The following PLCB1 variants were observed in gnomAD, a reference collection of about 807,000 sequenced individuals.
PLCB1 encodes 1-phosphatidylinositol 4,5-bisphosphate phosphodiesterase beta-1.
In PLCB1, 46 loss-of-function variants were observed where a neutral mutation model predicts 161.8. The ratio of observed to expected loss-of-function variants is 0.28; its 90% CI spans 0.22 to 0.36. The LOEUF (loss-of-function observed/expected upper bound fraction) is 0.36. Ranked by LOEUF, PLCB1 falls within the 10% of genes least tolerant of loss-of-function variation. The pLI is 1.00. For missense variants in PLCB1, 1,016 were observed against 1,472.5 expected (o/e 0.69, Z 5.07); for synonymous variants, 517 against 503.7 (o/e 1.03, Z -0.35).
intron 31 of PLCB1, among the ~76,000 whole-genome samples, chr20:8,796,750 T>C (rs1345807958): frequency 6.6e-6 from 1 of 152,218 alleles, no homozygotes; most frequent in Non-Finnish European, 1.5e-5. Context: ...TACCAGGGCA[T>C]TGGAACAATT....
At chr20:8,215,270 G>A (rs981753097) in intron 2 of PLCB1, among the ~76,000 whole-genome samples, 2 of 151,750 alleles carry the variant, frequency 1.3e-5, no homozygotes, top group Non-Finnish European at 1.5e-5. Context: ...TTTCGGAATC[G>A]ATTTGTTAAT....
chr20:8,846,844 T>C (rs1203451559), intron 31 of PLCB1, among the ~76,000 whole-genome samples: 1 of 152,104 alleles, frequency 6.6e-6, no homozygotes, highest in Non-Finnish European at 1.5e-5. Context: ...TGGAGCAGAG[T>C]AGAGGCCACT....
At chr20:8,399,548 A>G (rs1024562916) in intron 3 of PLCB1, among the ~76,000 whole-genome samples, 35 of 152,284 alleles carry the variant, frequency 2.3e-4, no homozygotes, top group Non-Finnish European at 4.4e-4. Context: ...GTGGATTCTT[A>G]TTCTAGAATA....
chr20:8,592,844 AT>A (rs1987191780), intron 3 of PLCB1, among the ~76,000 whole-genome samples: 1 of 152,142 alleles, frequency 6.6e-6, no homozygotes, highest in Non-Finnish European at 1.5e-5. Context: ...ATATTATCTG[AT>A]TTAAACATCA....
chr20:8,422,909 T>C (rs1472141944), intron 3 of PLCB1, among the ~76,000 whole-genome samples: 1 of 152,198 alleles, frequency 6.6e-6, no homozygotes, highest in African/African-American at 2.4e-5. Flanking sequence ...TTAGTTTCCC[T>C]ATTTATAAAT....
At chr20:8,288,414 G>A (rs924220111) in intron 2 of PLCB1, among the ~76,000 whole-genome samples, 2 of 152,132 alleles carry the variant, frequency 1.3e-5, no homozygotes, top group African/African-American at 4.8e-5. Context: ...AGTGATTTTT[G>A]GAGGGAATGC....
intron 22 of PLCB1, 34 bp downstream of exon 22, chr20:8,740,482 A>C: frequency 1.7e-6 from 2 of 1,201,836 alleles, no homozygotes; most frequent in Non-Finnish European, 2.4e-6. Flanking sequence ...ACTTTACTCA[A>C]AGGGGTATTT....
chr20:8,639,456 G>C (rs1417130412), intron 4 of PLCB1, among the ~76,000 whole-genome samples: 1 of 152,144 alleles, frequency 6.6e-6, no homozygotes, highest in African/African-American at 2.4e-5. Flanking sequence ...TATGATTCTC[G>C]TGGCCTTTTT....
At chr20:8,506,200 T>A (rs1202151956) in intron 3 of PLCB1, among the ~76,000 whole-genome samples, 1 of 152,246 alleles carries the variant, frequency 6.6e-6, no homozygotes, top group Non-Finnish European at 1.5e-5. Context: ...TATTTGCGTT[T>A]AAAACAAACT....
chr20:8,878,537 A>C (rs1487142850), intron 31 of PLCB1, among the ~76,000 whole-genome samples: 1 of 151,822 alleles, frequency 6.6e-6, no homozygotes, highest in African/African-American at 2.4e-5. Context: ...GCTCCATCAT[A>C]GCCACATGAG....
Position 8,639,524 on chromosome 20 carries a change from A to G in PLCB1, c.385-6578A>G, listed in dbSNP as rs952727413. On this transcript the variant is annotated intron_variant, in intron 4 of 31. Coordinates refer to ENST00000338037, the MANE Select transcript of PLCB1 (RefSeq NM_015192.4). ...CTTTCCATTTACATTCCCTACAGTA[A>G]AAGGAAAAGAGATCTATATCAGGAA... is the stretch of plus-strand genomic sequence containing the variant. Among the ~76,000 whole-genome samples the G allele has an allele frequency of 2.0e-5, 3 of 152,204 alleles. No individual in the cohort carries two copies. In the East Asian group the frequency reaches 5.8e-4, roughly 29 times the overall value.
At chr20:8,733,548 A>T (rs545254792) in intron 19 of PLCB1, among the ~76,000 whole-genome samples, 156 bp downstream of exon 19, 1 of 150,432 alleles carries the variant, frequency 6.6e-6, no homozygotes, top group Non-Finnish European at 1.5e-5. Flanking sequence ...ACACATTAAA[A>T]GTTTTCGTAA....
At chr20:8,416,929 TACACACACACACACACACACAC>T (rs56097941) in intron 3 of PLCB1, among the ~76,000 whole-genome samples, 4 of 126,452 alleles carry the variant, frequency 3.2e-5, no homozygotes, top group South Asian at 5.5e-4. Context: ...AGAGACAGAA[TACACACACACACACACACACAC>T]ACACACACAC....
intron 3 of PLCB1, among the ~76,000 whole-genome samples, chr20:8,456,244 G>A (rs1013577798): frequency 6.6e-6 from 1 of 152,152 alleles, no homozygotes; most frequent in African/African-American, 2.4e-5. Context: ...ATAGTGTCTT[G>A]AAGAATGACC....
intron 3 of PLCB1, among the ~76,000 whole-genome samples, chr20:8,493,906 T>C (rs996216696): frequency 1.5e-5 from 2 of 136,928 alleles, no homozygotes; most frequent in Non-Finnish European, 3.1e-5. Context: ...CTTACCTTGG[T>C]GTATGAGAGT....
At chr20:8,729,711 GCTAAAAACTTATTTCTATTCC>G (rs1980131083) in intron 18 of PLCB1, 2 of 151,674 alleles carry the variant, frequency 1.3e-5, no homozygotes, top group Admixed American at 1.3e-4. Context: ...TTCACAATTC[GCTAAAAACTTATTTCTATTCC>G]CTAAATTTCT....
chr20:8,874,005 A>G (rs1193845556), intron 31 of PLCB1, among the ~76,000 whole-genome samples: 1 of 152,084 alleles, frequency 6.6e-6, no homozygotes, highest in Non-Finnish European at 1.5e-5. Context: ...AAGGAATTAA[A>G]TTTTAAATAT....
intron 4 of PLCB1, among the ~76,000 whole-genome samples, chr20:8,639,951 G>A (rs1988890318): frequency 6.6e-6 from 1 of 151,036 alleles, no homozygotes; most frequent in Admixed American, 6.6e-5. Context: ...CAGGCAGTGA[G>A]AATGGTCAAA....
At chr20:8,142,130 G>A (rs1047185333) in intron 1 of PLCB1, among the ~76,000 whole-genome samples, 65 of 152,164 alleles carry the variant, frequency 4.3e-4, no homozygotes, top group Non-Finnish European at 7.8e-4. Flanking sequence ...GGAGAGCATA[G>A]GCCTGGCACT....
Sources: allele counts gnomAD v4.1 joint callset (sites outside exome capture counted in the v4.1 genomes callset), GRCh38; gene constraint gnomAD v4.1.1; transcripts MANE v1.5; gene names NCBI Gene and HGNC (gene_info 2026-07-23, HGNC 2026-07-21).